The following KIF15 variants were observed in gnomAD, a reference collection of about 807,000 sequenced individuals.
KIF15 encodes the protein kinesin-like protein KIF15.
KIF15 carries 140 observed loss-of-function variants against 190.6 expected under a neutral mutation model. The observed-to-expected ratio is 0.73, with a 90% CI of 0.64 to 0.84. The LOEUF (loss-of-function observed/expected upper bound fraction) is 0.84. KIF15 is among the 40% of genes least tolerant of loss of function. KIF15 has a pLI of 0.00. For synonymous variants in KIF15, 528 were observed against 551.3 expected, an observed-to-expected ratio of 0.96 and a Z score of 0.59; for missense variants, 1,372 against 1,584.4, an observed-to-expected ratio of 0.87 and a Z score of 2.28.
chr3:44,789,290 T>C (rs1296916068), intron 7 of KIF15, among the ~76,000 whole-genome samples: 1 of 125,530 alleles, frequency 8.0e-6, no homozygotes, highest in Non-Finnish European at 1.8e-5. Flanking sequence ...CAAATATTTT[T>C]CTACTATAAT....
At chr3:44,804,822 TGTAAA>T (rs1707418637) in intron 14 of KIF15, among the ~76,000 whole-genome samples, 200 bp from the exon 15 acceptor site, 1 of 152,096 alleles carries the variant, frequency 6.6e-6, no homozygotes, top group Admixed American at 6.6e-5. Context: ...ACACTGAAGT[TGTAAA>T]GCTAGGCATG....
intron 6 of KIF15, chr3:44,865,321 A>G: frequency 3.5e-6 from 4 of 1,130,876 alleles, no homozygotes; most frequent in Non-Finnish European, 5.1e-6. Context: ...CTGATGGAGC[A>G]GGCTCTGGCT....
chr3:44,850,644 C>G (rs534820908), intron 32 of KIF15, among the ~76,000 whole-genome samples: 23 of 152,252 alleles, frequency 1.5e-4, no homozygotes, highest in African/African-American at 5.1e-4. Context: ...TGTGAAGATG[C>G]TTTTAAAAGT....
At position 44,868,445 on chromosome 3, in the gene KIF15, C is replaced by T. The variant is rs543995374; in HGVS notation, c.*60-4884C>T. ...ATGCTGCTTTGAACAATTGTGTACA[C>T]GTTTTTGTGTGAACATGTTTTCAAT... On this transcript the variant is annotated intron_variant and NMD_transcript_variant, in intron 6 of 6. Transcript: ENST00000422209. Among the ~76,000 whole-genome samples, 11 of 152,166 alleles carry T rather than the reference C, an allele frequency of 7.2e-5. 1 individual carries two copies. The South Asian group carries it at 8.3e-4, about 11-fold the overall frequency.
intron 6 of KIF15, among the ~76,000 whole-genome samples, chr3:44,868,386 C>T (rs1559604222): frequency 6.6e-6 from 1 of 152,078 alleles, no homozygotes; most frequent in African/African-American, 2.4e-5. Flanking sequence ...GCTTGTTTCC[C>T]TTTTCTATTC....
intron 20 of KIF15, among the ~76,000 whole-genome samples, chr3:44,822,498 C>A (rs577591943): frequency 3.9e-5 from 6 of 152,104 alleles, no homozygotes; most frequent in Admixed American, 3.9e-4. Context: ...TTGCTCTTCT[C>A]GAGGAGTATA....
chr3:44,810,701 G>A (rs1707742877), intron 16 of KIF15, 145 bp from the exon 17 acceptor site: 3 of 624,254 alleles, frequency 4.8e-6, no homozygotes, highest in Non-Finnish European at 8.2e-6. Flanking sequence ...TTTCCACTTG[G>A]GCATTTTTGT....
At chr3:44,856,112 A>C (rs977956412), downstream of KIF15, among the ~76,000 whole-genome samples, 3 of 152,216 alleles carry the variant, frequency 2.0e-5, no homozygotes, top group South Asian at 6.2e-4. Context: ...GGGAAGCCCA[A>C]ACCCAGGAAT....
intron 6 of KIF15, among the ~76,000 whole-genome samples, chr3:44,867,268 A>AG (rs1699332008): frequency 1.3e-5 from 2 of 152,294 alleles, no homozygotes; most frequent in South Asian, 4.1e-4. Flanking sequence ...GGCCTGTTCC[A>AG]TACTGTGACT....
intron 26 of KIF15, among the ~76,000 whole-genome samples, chr3:44,837,308 T>C (rs1250622060): frequency 6.6e-6 from 1 of 152,230 alleles, no homozygotes; most frequent in Non-Finnish European, 1.5e-5. Flanking sequence ...ATACATAGCC[T>C]TATATTTTTT....
intron 26 of KIF15, among the ~76,000 whole-genome samples, chr3:44,831,452 A>G (rs1018198379): frequency 1.3e-5 from 2 of 152,178 alleles, no homozygotes; most frequent in Non-Finnish European, 2.9e-5. Flanking sequence ...TTAACTTCCT[A>G]TAACTGACCC....
At chr3:44,853,608 T>C (rs753441962), downstream of KIF15, among the ~76,000 whole-genome samples, 67 of 152,240 alleles carry the variant, frequency 4.4e-4, no homozygotes, top group Admixed American at 7.2e-4. Context: ...ATGTCTTTAC[T>C]TTTTAAGACA....
intron 31 of KIF15, 117 bp from the exon 32 acceptor site, chr3:44,848,404 T>C: frequency 3.3e-6 from 2 of 597,284 alleles, no homozygotes; most frequent in Non-Finnish European, 6.0e-6. Flanking sequence ...GAAAAGGATA[T>C]TGGTTTGATT....
At chr3:44,859,076 C>T (rs959378077) in intron 6 of KIF15, among the ~76,000 whole-genome samples, 11 of 152,250 alleles carry the variant, frequency 7.2e-5, no homozygotes, top group East Asian at 3.9e-4. Context: ...AGTTGGGACA[C>T]GGCTTAGGAG....
At chr3:44,788,622 T>C (rs1241934889) in intron 7 of KIF15, among the ~76,000 whole-genome samples, 1 of 151,996 alleles carries the variant, frequency 6.6e-6, no homozygotes, top group East Asian at 1.9e-4. Context: ...GTCTGGCTGA[T>C]TTTTGAATGT....
At chr3:44,809,993 G>A (rs930654594) in intron 16 of KIF15, among the ~76,000 whole-genome samples, 1 of 152,104 alleles carries the variant, frequency 6.6e-6, no homozygotes, top group Non-Finnish European at 1.5e-5. Context: ...CTTGAACCTG[G>A]GAGGCAGAGG....
intron 4 of KIF15, among the ~76,000 whole-genome samples, chr3:44,778,808 C>T (rs1403714978): frequency 4.0e-5 from 6 of 151,556 alleles, no homozygotes; most frequent in African/African-American, 7.3e-5. Context: ...GTGAGACCCC[C>T]GTCTCTACTA....
At chr3:44,824,523 A>C (rs1378938257) in intron 20 of KIF15, among the ~76,000 whole-genome samples, 1 of 152,196 alleles carries the variant, frequency 6.6e-6, no homozygotes, top group Admixed American at 6.5e-5. Flanking sequence ...TCACAGGTGC[A>C]CTGTTGCCTT....
intron 16 of KIF15, among the ~76,000 whole-genome samples, chr3:44,807,299 A>G (rs1364949137): frequency 1.3e-5 from 2 of 151,112 alleles, no homozygotes; most frequent in East Asian, 2.0e-4. Context: ...ATCTTGGCTC[A>G]CTGCAACCTC....
Sources: gnomAD v4.1 joint callset for allele counts (sites outside exome capture counted in the v4.1 genomes callset) on GRCh38, gnomAD v4.1.1 for gene constraint, MANE v1.5 for transcripts, NCBI Gene and HGNC (gene_info 2026-07-23, HGNC 2026-07-21) for gene names.